Variants in PDE8B observed in about 807,000 individuals in gnomAD.
PDE8B encodes high affinity cAMP-specific and IBMX-insensitive 3',5'-cyclic phosphodiesterase 8B.
A neutral mutation model predicts 101.3 loss-of-function variants in PDE8B; 26 were observed. That is an observed-to-expected ratio of 0.26 (90% CI 0.19 to 0.36). The LOEUF (loss-of-function observed/expected upper bound fraction) is 0.36, where lower values mean the gene tolerates loss of function less well. PDE8B is among the 10% of genes least tolerant of loss of function. PDE8B has a pLI of 1.00. For synonymous variants in PDE8B, 424 were observed against 429.3 expected (o/e 0.99, Z 0.15); for missense variants, 810 against 1,163.1 (o/e 0.70, Z 4.42).
chr5:77,160,509 G>A, the PDE8B span, among the ~76,000 whole-genome samples: 5 of 152,084 alleles, frequency 3.3e-5, no homozygotes, highest in Admixed American at 1.3e-4. Flanking sequence ...GTAGATTGTC[G>A]TATACTAATT....
At chr5:77,159,989 T>C in the PDE8B span, among the ~76,000 whole-genome samples, 1 of 152,196 alleles carries the variant, frequency 6.6e-6, no homozygotes, top group Non-Finnish European at 1.5e-5. Flanking sequence ...TATATTTTGC[T>C]TTCTGGAACA....
intron 6 of PDE8B, among the ~76,000 whole-genome samples, chr5:77,338,768 G>A (rs1778635185): frequency 6.6e-6 from 1 of 152,096 alleles, no homozygotes; most frequent in Non-Finnish European, 1.5e-5. Context: ...AGAAAGAGGG[G>A]GATTTTACTG....
chr5:77,275,807 T>G lies in PDE8B; in HGVS notation c.340-36187T>G, dbSNP rs541428738. Among the ~76,000 whole-genome samples the G allele has an allele frequency of 2.6e-5, 4 of 152,310 alleles. No individual in the cohort carries two copies. In the South Asian group the frequency reaches 8.3e-4, roughly 32 times the overall value. Reference sequence around the variant, plus strand: ...AAATGTTGAATTTCATTTAAATATCTCAAATGAAGAAAAAGATATCTAACC... The same window carrying G: ...AAATGTTGAATTTCATTTAAATATCGCAAATGAAGAAAAAGATATCTAACC... On this transcript the variant is annotated intron_variant, in intron 1 of 21. Transcript: ENST00000264917.
At chr5:77,335,537 G>GTGTGTA (rs1777993133) in intron 5 of PDE8B, among the ~76,000 whole-genome samples, 1 of 110,762 alleles carries the variant, frequency 9.0e-6, no homozygotes, top group African/African-American at 4.1e-5. Context: ...TGTGGGGTGT[G>GTGTGTA]TGTGTGTGTG....
At chr5:77,087,240 A>C in the PDE8B span, 2 of 152,314 alleles carry the variant, frequency 1.3e-5, no homozygotes, top group African/African-American at 4.8e-5. Flanking sequence ...TTAAAGACAC[A>C]GCGCTGCATT....
chr5:77,377,982 C>T (rs1044854885), intron 10 of PDE8B, among the ~76,000 whole-genome samples: 3 of 149,626 alleles, frequency 2.0e-5, no homozygotes, highest in African/African-American at 5.0e-5. Flanking sequence ...AAACTCAGCT[C>T]GCTTGCTCGC....
chr5:77,403,783 G>A (rs1359432034), intron 11 of PDE8B, among the ~76,000 whole-genome samples: 4 of 151,632 alleles, frequency 2.6e-5, no homozygotes, highest in Non-Finnish European at 5.9e-5. Context: ...TAGTTCCCCC[G>A]AGAATGTCCC....
At chr5:77,400,358 T>C (rs1378336407) in intron 11 of PDE8B, 68 bp downstream of exon 11, 78 of 996,094 alleles carry the variant, frequency 7.8e-5, no homozygotes, top group Non-Finnish European at 1.2e-4. Context: ...TATACATTTC[T>C]CTGAAGAAGT....
chr5:77,236,413 A>G (rs1754700619), intron 1 of PDE8B, among the ~76,000 whole-genome samples: 1 of 152,234 alleles, frequency 6.6e-6, no homozygotes, highest in African/African-American at 2.4e-5. Flanking sequence ...CCCAGAAGTT[A>G]GAGGCTGGGT....
intron 1 of PDE8B, among the ~76,000 whole-genome samples, chr5:77,297,161 T>G (rs1049660012): frequency 6.6e-6 from 1 of 152,160 alleles, no homozygotes. Flanking sequence ...TCAAGAGCCC[T>G]CTCCTGTGAT....
chr5:77,375,889 CTTTTTT>C (rs70988668), intron 10 of PDE8B, among the ~76,000 whole-genome samples: 4 of 108,316 alleles, frequency 3.7e-5, no homozygotes, highest in Admixed American at 1.1e-4. Context: ...GCCTTGATTT[CTTTTTT>C]TTTTTTTTTT....
chr5:77,240,209 G>A (rs1162002406), intron 1 of PDE8B, among the ~76,000 whole-genome samples: 1 of 152,004 alleles, frequency 6.6e-6, no homozygotes, highest in Non-Finnish European at 1.5e-5. Flanking sequence ...GCTGGAGTGC[G>A]GTGGCGCGAT....
chr5:77,297,540 C>T (rs150537305), intron 1 of PDE8B, among the ~76,000 whole-genome samples: 396 of 152,304 alleles, frequency 2.6e-3, no homozygotes, highest in South Asian at 5.0e-3. Context: ...AGGGACCACA[C>T]CTTGAGAACC....
the PDE8B span, chr5:77,148,125 AT>A: frequency 6.6e-6 from 1 of 152,210 alleles, no homozygotes; most frequent in Non-Finnish European, 1.5e-5. Context: ...ATATAGTCAA[AT>A]ACTTTAAAAC....
intron 14 of PDE8B, among the ~76,000 whole-genome samples, chr5:77,409,530 G>C (rs1376935774): frequency 6.6e-6 from 1 of 151,990 alleles, no homozygotes; most frequent in Non-Finnish European, 1.5e-5. Flanking sequence ...CATTTATAAG[G>C]TAAAAGCAGA....
intron 1 of PDE8B, among the ~76,000 whole-genome samples, chr5:77,287,291 A>C (rs1766210199): frequency 6.6e-6 from 1 of 152,022 alleles, no homozygotes; most frequent in South Asian, 2.1e-4. Context: ...CCAGGTTGCC[A>C]CGTATTTTAT....
chr5:77,183,494 A>T, the PDE8B span, among the ~76,000 whole-genome samples: 1 of 152,160 alleles, frequency 6.6e-6, no homozygotes, highest in East Asian at 1.9e-4. Flanking sequence ...TAGGTGGTGG[A>T]GCTGAACCAG....
intron 1 of PDE8B, among the ~76,000 whole-genome samples, chr5:77,228,585 G>A (rs1234869158): frequency 6.6e-6 from 1 of 152,052 alleles, no homozygotes; most frequent in Non-Finnish European, 1.5e-5. Flanking sequence ...CAAGCAGAGA[G>A]ACTAACATGA....
At chr5:77,329,814 G>A (rs1455649451) in intron 4 of PDE8B, among the ~76,000 whole-genome samples, 1 of 152,190 alleles carries the variant, frequency 6.6e-6, no homozygotes, top group Non-Finnish European at 1.5e-5. Context: ...GGATTTGGCT[G>A]CATTATGGCA....
Sources: allele counts gnomAD v4.1 joint callset (sites outside exome capture counted in the v4.1 genomes callset), GRCh38; gene constraint gnomAD v4.1.1; transcripts MANE v1.5; gene names NCBI Gene and HGNC (gene_info 2026-07-23, HGNC 2026-07-21).